LRRC8C: variants seen among roughly 807,000 people sequenced by gnomAD.
The protein encoded by LRRC8C is volume-regulated anion channel subunit LRRC8C.
LRRC8C carries 20 observed loss-of-function variants against 55.3 expected under a neutral mutation model. The observed-to-expected ratio is 0.36, with a 90% CI of 0.25 to 0.53. LRRC8C has a LOEUF of 0.53. LRRC8C is among the 20% of genes least tolerant of loss of function. The pLI is 0.92. For synonymous variants in LRRC8C, 376 were observed against 360.7 expected (o/e 1.04, Z -0.48); for missense variants, 659 against 951.4 (o/e 0.69, Z 4.04).
intron 2 of LRRC8C, among the ~76,000 whole-genome samples, chr1:89,711,111 C>T (rs1424070310): frequency 6.6e-6 from 1 of 152,204 alleles, no homozygotes; most frequent in African/African-American, 2.4e-5. Context: ...ATCTTCATCC[C>T]TAGAAGAGGT....
upstream of LRRC8C, among the ~76,000 whole-genome samples, chr1:89,629,148 T>C (rs183238725): frequency 1.3e-5 from 2 of 152,348 alleles, no homozygotes; most frequent in African/African-American, 2.4e-5. Context: ...CTAGCATTTT[T>C]AATGGCACAG....
At chr1:89,621,788 T>G in the LRRC8C span, among the ~76,000 whole-genome samples, 2 of 152,254 alleles carry the variant, frequency 1.3e-5, no homozygotes, top group African/African-American at 4.8e-5. Flanking sequence ...TCTTGGTATT[T>G]GTTTTAGGTT....
At chr1:89,632,342 T>A (rs1474177803), upstream of LRRC8C, 4 of 152,248 alleles carry the variant, frequency 2.6e-5, no homozygotes, top group Non-Finnish European at 5.9e-5. Flanking sequence ...ATGCGGGAGC[T>A]GTAGGCGGGG....
chr1:89,706,354 G>A (rs776407442), intron 2 of LRRC8C: 1 of 455,954 alleles, frequency 2.2e-6, no homozygotes, highest in Non-Finnish European at 4.4e-6. Context: ...CAGCCCTTTG[G>A]TGTCTCATTC....
intron 1 of LRRC8C, among the ~76,000 whole-genome samples, chr1:89,679,993 G>A (rs924634255): frequency 9.9e-5 from 15 of 152,112 alleles, no homozygotes; most frequent in African/African-American, 3.4e-4. Context: ...AATTATCCTG[G>A]GGAGGAGGAT....
At chr1:89,648,032 G>A (rs1464368467) in intron 1 of LRRC8C, among the ~76,000 whole-genome samples, 1 of 152,152 alleles carries the variant, frequency 6.6e-6, no homozygotes, top group Non-Finnish European at 1.5e-5. Context: ...TTGCAACACT[G>A]CATTCCAACC....
Position 89,714,262 on chromosome 1 carries a change from C to T in LRRC8C, c.1692C>T (p.Ser564=). The T allele has an allele frequency of 1.2e-6, 2 of 1,613,992 alleles. No individual in the cohort carries two copies. Among genetic ancestry groups the T allele is most frequent in the Non-Finnish European group, 1.7e-6 (2 of 1,180,012 alleles). ...SKIPQAVVDV[S]SHLQKMCIHN... ...TCCCTCAGGCAGTGGTTGATGTTTC[C>T]AGCCATCTCCAGAAGATGTGCATAC... is the stretch of plus-strand genomic sequence containing the variant. Residue 564 remains serine (S), a synonymous_variant, in exon 3 of 3, where the codon TCC becomes TCT. Coordinates refer to ENST00000370454, the MANE Select transcript of LRRC8C (RefSeq NM_032270.5). The surrounding 1 kb of genome is among the most constrained non-coding windows in gnomAD (Gnocchi z 4.6).
intron 2 of LRRC8C, among the ~76,000 whole-genome samples, 197 bp from the exon 3 acceptor site, chr1:89,712,512 A>G (rs149343942): frequency 6.6e-6 from 1 of 152,354 alleles, no homozygotes; most frequent in Non-Finnish European, 1.5e-5. Context: ...TAACTTAGAC[A>G]TGATGAACAA....
At chr1:89,623,139 G>A in the LRRC8C span, among the ~76,000 whole-genome samples, 2 of 127,262 alleles carry the variant, frequency 1.6e-5, no homozygotes, top group Admixed American at 8.7e-5. Context: ...AGCTATCAAC[G>A]CAACTAACTC....
intron 1 of LRRC8C, among the ~76,000 whole-genome samples, chr1:89,672,654 C>T (rs1259076392): frequency 6.6e-6 from 1 of 152,166 alleles, no homozygotes; most frequent in African/African-American, 2.4e-5. Context: ...ACTTTCTCCA[C>T]CCCCATTCCC....
chr1:89,705,321 C>T (rs1220183527), intron 2 of LRRC8C, among the ~76,000 whole-genome samples: 3 of 150,216 alleles, frequency 2.0e-5, no homozygotes, highest in Non-Finnish European at 4.4e-5. Context: ...ATACCTAATA[C>T]TAGATGACGA....
intron 1 of LRRC8C, among the ~76,000 whole-genome samples, chr1:89,652,393 T>C (rs1311152801): frequency 1.3e-5 from 2 of 152,198 alleles, no homozygotes; most frequent in East Asian, 3.8e-4. Flanking sequence ...GATAAGAGTT[T>C]AACCTGCTGC....
chr1:89,706,281 A>G, intron 2 of LRRC8C: 1 of 456,022 alleles, frequency 2.2e-6, no homozygotes, highest in Non-Finnish European at 4.4e-6. Context: ...GCCTTCGTTT[A>G]TATGTTCTTT....
intron 2 of LRRC8C, among the ~76,000 whole-genome samples, chr1:89,706,081 C>T (rs1433466905): frequency 6.6e-6 from 1 of 152,078 alleles, no homozygotes; most frequent in Non-Finnish European, 1.5e-5. Context: ...CAAATTTGAG[C>T]ACTTATCACA....
Position 89,678,327 on chromosome 1 carries a change from C to T in LRRC8C, c.-4-8143C>T, listed in dbSNP as rs1019936456. ...TATTTTCTAGGTACTTGTAACACAT[C>T]GATGAACACAATAGAACTGAAAAAT... On this transcript the variant is annotated intron_variant, in intron 1 of 2. Transcript: ENST00000370454. Among the ~76,000 whole-genome samples, 27 of 152,310 alleles carry T rather than the reference C, an allele frequency of 1.8e-4. 2 individuals carry two copies. The highest frequency in any genetic ancestry group is 9.2e-4 in the Admixed American group (14 of 15,300).
At chr1:89,656,720 G>T (rs948768050) in intron 1 of LRRC8C, among the ~76,000 whole-genome samples, 5 of 152,156 alleles carry the variant, frequency 3.3e-5, no homozygotes, top group Admixed American at 3.3e-4. Context: ...CCACAATTTG[G>T]GGGTACTGTT....
intron 2 of LRRC8C, among the ~76,000 whole-genome samples, chr1:89,711,373 A>G (rs150953756): frequency 6.6e-4 from 100 of 152,348 alleles, no homozygotes; most frequent in African/African-American, 2.3e-3. Context: ...TTCTATGCCT[A>G]TAATCAAGGT....
intron 1 of LRRC8C, among the ~76,000 whole-genome samples, chr1:89,659,061 T>TTTTTTG (rs1294718324): frequency 9.3e-5 from 5 of 53,976 alleles, no homozygotes; most frequent in East Asian, 7.1e-4. Flanking sequence ...TTTTTTTTTT[T>TTTTTTG]TGTGTGTGTG....
intron 1 of LRRC8C, among the ~76,000 whole-genome samples, chr1:89,634,481 C>T (rs1006072892): frequency 2.0e-5 from 3 of 152,092 alleles, no homozygotes; most frequent in Non-Finnish European, 4.4e-5. Flanking sequence ...TCACATTTCC[C>T]GACAGGTATG....
Sources: allele counts gnomAD v4.1 joint callset (sites outside exome capture counted in the v4.1 genomes callset), GRCh38; gene constraint gnomAD v4.1.1; non-coding constraint Gnocchi (gnomAD v3.1); transcripts MANE v1.5; gene names NCBI Gene and HGNC (gene_info 2026-07-23, HGNC 2026-07-21).